The following SACM1L variants were observed in gnomAD, a reference collection of about 807,000 sequenced individuals.
SACM1L encodes phosphatidylinositol-3-phosphatase SAC1.
In SACM1L, 32 loss-of-function variants were observed where a neutral mutation model predicts 89.5. That is an observed-to-expected ratio of 0.36 (90% CI 0.27 to 0.48). The LOEUF is 0.48. Among genes scored for constraint, SACM1L ranks in the 20% least tolerant of loss-of-function variants. The pLI is 0.99. For missense variants in SACM1L, 543 were observed against 708.5 expected (o/e 0.77, Z 2.65); for synonymous variants, 213 against 232.8 (o/e 0.92, Z 0.77).
intron 1 of SACM1L, among the ~76,000 whole-genome samples, chr3:45,701,740 G>A (rs1441665680): frequency 6.6e-6 from 1 of 152,124 alleles, no homozygotes; most frequent in Non-Finnish European, 1.5e-5. Context: ...CCGTCACCCT[G>A]AAACGTTTCC....
At chr3:45,726,211 A>G (rs1187589648) in intron 11 of SACM1L, among the ~76,000 whole-genome samples, 1 of 152,214 alleles carries the variant, frequency 6.6e-6, no homozygotes, top group African/African-American at 2.4e-5. Context: ...TCTTTACAGA[A>G]TAAGTTAGAA....
In SACM1L at chr3:45,743,442, T is replaced by G. The variant is rs1269278119; in HGVS notation, c.1628-91T>G. ...TTTTCCTGTGAATGTGCTAGTAAAC[T>G]TTAATGTTGCCAAAATGTGCTAAAC... On this transcript the variant is annotated intron_variant, in intron 19 of 19. Coordinates refer to ENST00000389061, the MANE Select transcript of SACM1L (RefSeq NM_014016.5). 14 of 1,380,066 alleles carry G rather than the reference T, an allele frequency of 1.0e-5. No homozygotes were observed. In the South Asian group the frequency reaches 1.7e-4, roughly 17 times the overall value. The allele number at this position is 1,380,066 out of a possible 1,614,324, so 85.5% of individuals were successfully genotyped here.
intron 5 of SACM1L, among the ~76,000 whole-genome samples, chr3:45,710,295 G>A (rs1441135759): frequency 1.3e-5 from 2 of 151,322 alleles, no homozygotes; most frequent in African/African-American, 2.4e-5. Flanking sequence ...CTGCCTCCTG[G>A]GTTCAAGCAA....
intron 1 of SACM1L, among the ~76,000 whole-genome samples, chr3:45,691,896 G>T (rs186213842): frequency 6.6e-6 from 1 of 152,202 alleles, no homozygotes; most frequent in Admixed American, 6.5e-5. Context: ...CTACTTTCCT[G>T]CTTACAATTT....
At chr3:45,737,219 A>AG (rs1699221289) in intron 14 of SACM1L, 1 of 220,484 alleles carries the variant, frequency 4.5e-6, no homozygotes, top group Admixed American at 5.8e-5. Flanking sequence ...GATGCATGTG[A>AG]GGGGGTCTCA....
At chr3:45,742,472 C>G (rs1402409712) in intron 19 of SACM1L, among the ~76,000 whole-genome samples, 1 of 152,180 alleles carries the variant, frequency 6.6e-6, no homozygotes, top group Non-Finnish European at 1.5e-5. Flanking sequence ...CACTGGCTGT[C>G]ATTCCCTGTA....
chr3:45,689,768 G>C, intron 1 of SACM1L: 1 of 582,992 alleles, frequency 1.7e-6, no homozygotes, highest in South Asian at 2.1e-5. Context: ...CCACCGAGCC[G>C]GGGTCGGCGT....
chr3:45,735,204 G>A, intron 13 of SACM1L, 31 bp from the exon 14 acceptor site: 1 of 1,584,974 alleles, frequency 6.3e-7, no homozygotes, highest in East Asian at 2.2e-5. Context: ...ACCTACTTTG[G>A]TATGAGAGTG....
intron 1 of SACM1L, among the ~76,000 whole-genome samples, chr3:45,695,629 C>G (rs2742431): frequency 0.48 from 73,350 of 151,970 alleles, 18,241 homozygotes; most frequent in Middle Eastern, 0.57. Context: ...CACTGTGGCT[C>G]CTATGCAAAA....
intron 13 of SACM1L, among the ~76,000 whole-genome samples, chr3:45,733,478 GACAC>G (rs748176403): frequency 6.6e-6 from 1 of 152,030 alleles, no homozygotes; most frequent in East Asian, 1.9e-4. Context: ...ATGGGGTACG[GACAC>G]ACACACCCTT....
At chr3:45,743,237 G>T (rs1699354660) in intron 19 of SACM1L, among the ~76,000 whole-genome samples, 1 of 152,058 alleles carries the variant, frequency 6.6e-6, no homozygotes, top group Non-Finnish European at 1.5e-5. Context: ...TTAGTCCAGT[G>T]GTTCTCAAAG....
intron 2 of SACM1L, among the ~76,000 whole-genome samples, chr3:45,704,391 G>T (rs1698339214): frequency 6.6e-6 from 1 of 152,048 alleles, no homozygotes; most frequent in African/African-American, 2.4e-5. Flanking sequence ...CTGTTTTTTT[G>T]ATTATGTGGT....
At chr3:45,690,552 T>C (rs2673053) in intron 1 of SACM1L, among the ~76,000 whole-genome samples, 40,825 of 152,182 alleles carry the variant, frequency 0.27, 6,764 homozygotes, top group Middle Eastern at 0.43. Flanking sequence ...CTAGTAACTT[T>C]CTGAAAGGTT....
intron 13 of SACM1L, chr3:45,734,772 A>G (rs7632165): frequency 0.14 from 21,967 of 152,722 alleles, 1,706 homozygotes; most frequent in African/African-American, 0.2. Context: ...AAAATATTCA[A>G]TCCTTGCCTC....
At chr3:45,689,562 C>T (rs1239839354) in intron 1 of SACM1L, 65 bp downstream of exon 1, 4 of 1,515,412 alleles carry the variant, frequency 2.6e-6, no homozygotes, top group Admixed American at 2.0e-5. Context: ...GCCCTGGCCT[C>T]GGGGAGGGCT....
At chr3:45,694,343 T>A (rs759392293) in intron 1 of SACM1L, among the ~76,000 whole-genome samples, 3 of 152,168 alleles carry the variant, frequency 2.0e-5, no homozygotes, top group Non-Finnish European at 2.9e-5. Flanking sequence ...AGGGCAGATA[T>A]GATCCAACCT....
chr3:45,718,868 A>G (rs1698724791), intron 7 of SACM1L, among the ~76,000 whole-genome samples: 1 of 152,058 alleles, frequency 6.6e-6, no homozygotes. Context: ...ACCATATACT[A>G]TTATCAGTAG....
rs761867651 is a variant in SACM1L, at chr3:45,744,583, G to C, written c.*914G>C. 6.6e-6 allele frequency: 1 copy of C among 152,646 alleles called. No individual in the cohort carries two copies. Among genetic ancestry groups the C allele is most frequent in the East Asian group, 1.9e-4 (1 of 5,178 alleles). 9.5% of individuals were successfully genotyped at this position (152,646 alleles called of 1,614,324 possible). A position where few individuals can be genotyped will look rare whatever the true frequency, so the allele number is the denominator to read the frequency against. ...TGGAGGGTAACAGCTGCTTTTTCAC[G>C]CATGGTACTCTTGATGTTTTTCACT... On this transcript the variant is annotated 3_prime_UTR_variant, in exon 20 of 20. Transcript: ENST00000389061.
intron 2 of SACM1L, among the ~76,000 whole-genome samples, 200 bp from the exon 3 acceptor site, chr3:45,704,935 A>G (rs1698352833): frequency 6.6e-6 from 1 of 152,180 alleles, no homozygotes; most frequent in Non-Finnish European, 1.5e-5. Context: ...AGGAGTTATC[A>G]CAGTTTTATT....
Sources: allele counts gnomAD v4.1 joint callset (sites outside exome capture counted in the v4.1 genomes callset), GRCh38; gene constraint gnomAD v4.1.1; transcripts MANE v1.5; gene names NCBI Gene and HGNC (gene_info 2026-07-23, HGNC 2026-07-21).